The following ABCA4 variants were observed in gnomAD, a reference collection of about 807,000 sequenced individuals.
ABCA4 encodes the protein ATP binding cassette subfamily A member 4.
A neutral mutation model predicts 263.7 loss-of-function variants in ABCA4; 196 were observed. That is an observed-to-expected ratio of 0.74 (90% CI 0.66 to 0.84). The LOEUF (loss-of-function observed/expected upper bound fraction) is 0.84. ABCA4 is among the 40% of genes least tolerant of loss of function. The pLI, the probability that ABCA4 is intolerant of heterozygous loss-of-function variation, is 0.00. For synonymous variants in ABCA4, 1,133 were observed against 1,094.2 expected (o/e 1.04, Z -0.70); for missense variants, 2,792 against 2,855.1 (o/e 0.98, Z 0.50).
At chr1:94,046,567 G>C (rs1183984436) in intron 19 of ABCA4, among the ~76,000 whole-genome samples, 1 of 151,790 alleles carries the variant, frequency 6.6e-6, no homozygotes, top group African/African-American at 2.4e-5. Context: ...ATGGACTGTT[G>C]AGATGGGGGG....
At position 94,079,349 on chromosome 1, in the gene ABCA4, T is replaced by C; in HGVS notation, c.1212A>G (p.Ser404=). 4.3e-6 allele frequency: 7 copies of C among 1,614,036 alleles called. No individual in the cohort carries two copies. Among genetic ancestry groups the C allele is most frequent in the Non-Finnish European group, 5.9e-6 (7 of 1,180,008 alleles). Residue 404 remains serine (S), a synonymous_variant, in exon 9 of 50, where the codon TCA becomes TCG. Coordinates refer to ENST00000370225, the MANE Select transcript of ABCA4 (RefSeq NM_000350.3). ...LMGKILYTPD[S]PAARRILKNA... is the part of the protein sequence containing the mutation. Reference sequence around the variant, plus strand: ...TCTTCAGTATCCTTCGTGCTGCAGGTGAATCAGGAGTGTACAGGATTTTTC... The same window carrying C: ...TCTTCAGTATCCTTCGTGCTGCAGGCGAATCAGGAGTGTACAGGATTTTTC...
chr1:94,102,343 G>A (rs1662305242), intron 5 of ABCA4, among the ~76,000 whole-genome samples: 1 of 152,000 alleles, frequency 6.6e-6, no homozygotes, highest in South Asian at 2.1e-4. Flanking sequence ...AGCATCTCAG[G>A]TTCTGTAGCC....
rs147884766 is a variant in ABCA4, at chr1:94,037,199, C to A, written c.3759G>T (p.Thr1253=). ...AACTGCTGAGACCAAGGTCAGCCAG[C>A]GTCTCCTCCAGCTCTCTGAAAAGGC... ...YASLFRELEE[T]LADLGLSSFG... Residue 1253 remains threonine, a synonymous_variant, in exon 25 of 50, where the codon ACG becomes ACT. Coordinates refer to ENST00000370225, the MANE Select transcript of ABCA4 (RefSeq NM_000350.3). 6.2e-7 allele frequency: 1 copy of A among 1,614,230 alleles called. No homozygotes were observed. The highest frequency in any genetic ancestry group is 1.7e-5 in the Admixed American group (1 of 60,026).
chr1:94,064,958 TGG>T (rs1661227175), intron 11 of ABCA4, among the ~76,000 whole-genome samples: 1 of 152,184 alleles, frequency 6.6e-6, no homozygotes, highest in Admixed American at 6.5e-5. Flanking sequence ...GCAGGAAGAC[TGG>T]GTTATTGATG....
At chr1:94,079,602 C>A (rs1367343015) in intron 8 of ABCA4, 141 bp from the exon 9 acceptor site, 3 of 1,243,312 alleles carry the variant, frequency 2.4e-6, no homozygotes, top group Non-Finnish European at 2.3e-6. Context: ...ATAGGCTGTA[C>A]CCCACCAATA....
intron 26 of ABCA4, among the ~76,000 whole-genome samples, chr1:94,034,791 A>T (rs1435009656): frequency 6.6e-6 from 1 of 152,120 alleles, no homozygotes; most frequent in East Asian, 1.9e-4. Flanking sequence ...GTGATAATCA[A>T]ATAAGACAAT....
At chr1:94,033,033 G>A (rs1442281406) in intron 26 of ABCA4, among the ~76,000 whole-genome samples, 1 of 152,194 alleles carries the variant, frequency 6.6e-6, no homozygotes, top group African/African-American at 2.4e-5. Flanking sequence ...TGAACTAAGA[G>A]TTAGGGGACT....
intron 47 of ABCA4, among the ~76,000 whole-genome samples, chr1:93,998,709 TTTTA>T (rs1403676752): frequency 2.1e-5 from 3 of 141,888 alleles, no homozygotes; most frequent in Non-Finnish European, 3.0e-5. Flanking sequence ...ATTTATTTTA[TTTTA>T]TTTATTTTAT....
chr1:94,044,740 T>C lies in ABCA4; in HGVS notation c.2923A>G (p.Ile975Val), dbSNP rs1200209303. The C allele has an allele frequency of 6.2e-7, 1 of 1,614,068 alleles. No homozygotes were observed. Among genetic ancestry groups the C allele is most frequent in the Non-Finnish European group, 8.5e-7 (1 of 1,180,036 alleles). The stretch of plus-strand genomic sequence containing the variant: ...GTTGGTGGCAACAGACCCGTCAGGA[T>C]GGACCTGCAGAACACAGGCGTCAGT... ...NGAGKTTTLSILTGLLPPTSG... is the reference protein window; with the variant it reads ...NGAGKTTTLSVLTGLLPPTSG... Residue 975 changes from isoleucine to valine, a missense_variant, in exon 20 of 50, where the codon ATC (isoleucine) becomes GTC (valine). Coordinates refer to ENST00000370225, the MANE Select transcript of ABCA4 (RefSeq NM_000350.3).
Position 94,007,663 on chromosome 1 carries a change from G to T in ABCA4, c.5976C>A (p.Thr1992=), listed in dbSNP as rs1024175480. 2 of 1,613,944 alleles carry T rather than the reference G, an allele frequency of 1.2e-6. No homozygotes were observed. Among genetic ancestry groups the T allele is most frequent in the Admixed American group, 1.7e-5 (1 of 60,002 alleles). ...TGCCTGCTACGGTGGCATCCCCTGA[G>T]GTCACTGTGGTGTCCCCAGTGAGCA... ...FKMLTGDTTV[T]SGDATVAGKS... Residue 1992 remains threonine (T), a synonymous_variant, in exon 43 of 50, where the codon ACC becomes ACA. Coordinates refer to ENST00000370225, the MANE Select transcript of ABCA4 (RefSeq NM_000350.3).
At chr1:94,061,719 C>T (rs1002788956) in intron 13 of ABCA4, among the ~76,000 whole-genome samples, 4 of 152,246 alleles carry the variant, frequency 2.6e-5, no homozygotes, top group African/African-American at 9.6e-5. Context: ...GGGCTTTCGC[C>T]CCTGGCTCCA....
Position 94,051,664 on chromosome 1 carries a change from A to T in ABCA4, c.2622T>A (p.Leu874=). Residue 874 remains leucine (L), a synonymous_variant, in exon 17 of 50, where the codon CTT becomes CTA. Transcript: ENST00000370225. The stretch of plus-strand genomic sequence containing the variant: ...CGCCAAGCCAATACGACTCTTGTAG[A>T]AGAAAGTACCAAGGAAGTGGGGTTC... ...DYGTPLPWYF[L]LQESYWLGGE... The T allele has an allele frequency of 9.3e-6, 15 of 1,614,112 alleles. No homozygotes were observed. Among genetic ancestry groups the T allele is most frequent in the Non-Finnish European group, 1.2e-5 (14 of 1,179,920 alleles).
chr1:94,103,092 G>C lies in ABCA4; in HGVS notation c.493C>G (p.Leu165Val). Residue 165 changes from leucine (L) to valine (V), a missense_variant, in exon 5 of 50, where the codon CTA becomes GTA. Physicochemically the swap from Leu to Val is conservative, Grantham distance 32. Transcript: ENST00000370225. ...DILKDEETLT[L>V]FLIKNIGLSD... is the part of the protein sequence containing the mutation. Reference sequence around the variant, plus strand: ...AGGCCGATGTTTTTAATGAGAAATAGTGTCAGTGTTTCTTCATCTTTCAAG... The same window carrying C: ...AGGCCGATGTTTTTAATGAGAAATACTGTCAGTGTTTCTTCATCTTTCAAG... 6.2e-7 allele frequency: 1 copy of C among 1,613,958 alleles called. No individual in the cohort carries two copies. Among genetic ancestry groups the C allele is most frequent in the Non-Finnish European group, 8.5e-7 (1 of 1,179,804 alleles).
chr1:94,060,782 G>A, intron 13 of ABCA4, 23 bp from the exon 14 acceptor site: 1 of 1,546,978 alleles, frequency 6.5e-7, no homozygotes, highest in Non-Finnish European at 8.9e-7. Flanking sequence ...GAGAGAAGCA[G>A]AATAGTAGAG....
chr1:94,084,980 GAA>G (rs1360920591), intron 6 of ABCA4, among the ~76,000 whole-genome samples: 1 of 152,174 alleles, frequency 6.6e-6, no homozygotes, highest in Non-Finnish European at 1.5e-5. Context: ...TATTAGAGAT[GAA>G]AAGAGACCTG....
At chr1:94,013,332 AAG>A (rs4147897) in intron 38 of ABCA4, among the ~76,000 whole-genome samples, 17,427 of 152,236 alleles carry the variant, frequency 0.11, 1,012 homozygotes, top group Middle Eastern at 0.13. Context: ...AAGATCTGGA[AAG>A]AGTCAGTCTC....
At position 94,021,292 on chromosome 1, in the gene ABCA4, C is replaced by A. The variant is rs758912686; in HGVS notation, c.4966G>T (p.Val1656Phe). Reference sequence around the variant, plus strand: ...GTCAGGTTCAGGGGTTGGCTAATGACGGTGATTCCATACTCCTCGGGGCTC... The same window carrying A: ...GTCAGGTTCAGGGGTTGGCTAATGAAGGTGATTCCATACTCCTCGGGGCTC... ...DRSPEEYGIT[V>F]ISQPLNLTKE... The change falls in exon 35 of 50, where the codon GTC becomes TTC. Residue 1656 changes from valine to phenylalanine, a missense_variant. Transcript: ENST00000370225. The A allele has an allele frequency of 6.2e-7, 1 of 1,614,176 alleles. No homozygotes were observed. The highest frequency in any genetic ancestry group is 8.5e-7 in the Non-Finnish European group (1 of 1,180,024).
chr1:94,042,732 A>G, intron 22 of ABCA4, 29 bp downstream of exon 22: 1 of 1,614,168 alleles, frequency 6.2e-7, no homozygotes, highest in South Asian at 1.1e-5. Context: ...GTGAGAGCCC[A>G]GCCCAGGAGA....
At chr1:94,091,934 A>AT (rs1457486224) in intron 6 of ABCA4, among the ~76,000 whole-genome samples, 5 of 152,120 alleles carry the variant, frequency 3.3e-5, no homozygotes, top group African/African-American at 1.2e-4. Flanking sequence ...ACTGTGTAAT[A>AT]TTTTTTTCTT....
Sources: allele counts gnomAD v4.1 joint callset (sites outside exome capture counted in the v4.1 genomes callset), GRCh38; gene constraint gnomAD v4.1.1; transcripts MANE v1.5; gene names NCBI Gene and HGNC (gene_info 2026-07-23, HGNC 2026-07-21).